Variants in PCDHGA2 observed in about 807,000 individuals in gnomAD.
The protein encoded by PCDHGA2 is protocadherin gamma-A2.
PCDHGA2 carries 40 observed loss-of-function variants against 59.2 expected under a neutral mutation model. That is an observed-to-expected ratio of 0.68 (90% confidence interval 0.52 to 0.88). The LOEUF is 0.88. Among genes scored for constraint, PCDHGA2 ranks in the 40% least tolerant of loss-of-function variants. PCDHGA2 has a pLI of 0.00. For synonymous variants in PCDHGA2, 560 were observed against 526.0 expected (o/e 1.06, Z -0.89); for missense variants, 1,226 against 1,204.0 (o/e 1.02, Z -0.27).
intron 1 of PCDHGA2, chr5:141,350,135 C>A: frequency 1.3e-6 from 1 of 753,636 alleles, no homozygotes; most frequent in Non-Finnish European, 1.9e-6. Context: ...AGCACAGACG[C>A]TGCTCCTGTT....
chr5:141,409,882 G>A, intron 1 of PCDHGA2: 1 of 1,613,006 alleles, frequency 6.2e-7, no homozygotes, highest in Non-Finnish European at 8.5e-7. Context: ...ACAACGCACC[G>A]CGGGTGCTGT....
rs2099417733 is a variant in PCDHGA2, at chr5:141,477,771, G to C, written c.2425-17036G>C. ...ACCCCGGTCCTAGCCACCAACATCAGCGTGAACATATTTGTCACTGATCGC... is the reference window on the plus strand; with the variant it reads ...ACCCCGGTCCTAGCCACCAACATCACCGTGAACATATTTGTCACTGATCGC... On this transcript the variant is annotated intron_variant, in intron 1 of 3. Transcript: ENST00000394576. This position sits in a 1 kb window ranked among gnomAD's most constrained non-coding sequence, Gnocchi z 4.9. 3 of 1,613,992 alleles carry C rather than the reference G, an allele frequency of 1.9e-6. No homozygotes were observed. The highest frequency in any genetic ancestry group is 3.3e-4 in the Middle Eastern group (2 of 6,062).
At chr5:141,370,334 T>C in intron 1 of PCDHGA2, 3 of 1,443,302 alleles carry the variant, frequency 2.1e-6, no homozygotes, top group Non-Finnish European at 2.8e-6. Context: ...CGGAGAACTC[T>C]TGGGATTATT....
chr5:141,455,466 A>G (rs1253494886), intron 1 of PCDHGA2, among the ~76,000 whole-genome samples: 1 of 152,164 alleles, frequency 6.6e-6, no homozygotes, highest in East Asian at 1.9e-4. Flanking sequence ...AGCCAGGTAT[A>G]TATGCAGAGG....
At chr5:141,448,822 G>A (rs924937891) in intron 1 of PCDHGA2, among the ~76,000 whole-genome samples, 4 of 152,048 alleles carry the variant, frequency 2.6e-5, no homozygotes, top group African/African-American at 9.7e-5. Context: ...GCGGGCGCCT[G>A]TAGTCCCAGC....
intron 1 of PCDHGA2, among the ~76,000 whole-genome samples, chr5:141,359,034 G>C (rs79372563): frequency 0.023 from 3,485 of 152,348 alleles, 54 homozygotes; most frequent in South Asian, 0.038. Flanking sequence ...GGAAGTTGTA[G>C]TGATAGACTG....
chr5:141,380,927 T>C (rs1776861991), intron 1 of PCDHGA2, among the ~76,000 whole-genome samples: 2 of 152,248 alleles, frequency 1.3e-5, no homozygotes, highest in African/African-American at 2.4e-5. Context: ...TTAATAATCA[T>C]ACACTTTGCT....
intron 1 of PCDHGA2, chr5:141,478,902 GCTGCTGGATAC>G: frequency 1.0e-6 from 1 of 978,788 alleles, no homozygotes. Context: ...TTAGGAATAA[GCTGCTGGATAC>G]CTCTAACCAG....
chr5:141,436,998 A>G (rs985067199), intron 1 of PCDHGA2, among the ~76,000 whole-genome samples: 23 of 152,242 alleles, frequency 1.5e-4, no homozygotes, highest in South Asian at 2.1e-4. Flanking sequence ...GTTTACTTCA[A>G]TGGGATCTTA....
intron 1 of PCDHGA2, chr5:141,362,063 T>A: frequency 6.2e-7 from 1 of 1,612,390 alleles, no homozygotes. Flanking sequence ...CAGCGCCTGC[T>A]GGTCGCTGTG....
rs778851755 is a variant in PCDHGA2, at chr5:141,477,795, G to A, written c.2425-17012G>A. ...AGCGTGAACATATTTGTCACTGATC[G>A]CAATGACAATGCCCCCCAGGTCCTA... On this transcript the variant is annotated intron_variant, in intron 1 of 3. Coordinates refer to ENST00000394576, the MANE Select transcript of PCDHGA2 (RefSeq NM_018915.4). This position sits in a 1 kb window ranked among gnomAD's most constrained non-coding sequence, Gnocchi z 4.9. The A allele has an allele frequency of 3.1e-6, 5 of 1,613,946 alleles. No individual in the cohort carries two copies. In the African/African-American group the frequency reaches 6.7e-5, roughly 22 times the overall value.
At chr5:141,384,225 G>A (rs757132379) in intron 1 of PCDHGA2, 1 of 1,613,856 alleles carries the variant, frequency 6.2e-7, no homozygotes, top group Non-Finnish European at 8.5e-7. Context: ...TCATGCAGGT[G>A]GCAGACACCA....
At chr5:141,374,796 A>G (rs1422023332) in intron 1 of PCDHGA2, 5 of 1,613,974 alleles carry the variant, frequency 3.1e-6, no homozygotes, top group Non-Finnish European at 3.4e-6. Context: ...GTGAATGACA[A>G]CACTCCAATG....
chr5:141,398,586 A>C, intron 1 of PCDHGA2: 1 of 1,614,054 alleles, frequency 6.2e-7, no homozygotes, highest in Admixed American at 1.7e-5. Flanking sequence ...CAAGATTTAT[A>C]CTAGAAGTAG....
chr5:141,397,287 G>A (rs2093504712), intron 1 of PCDHGA2, among the ~76,000 whole-genome samples: 1 of 152,134 alleles, frequency 6.6e-6, no homozygotes, highest in Admixed American at 6.5e-5. Flanking sequence ...CAGTATACTT[G>A]AATGAATATT....
intron 1 of PCDHGA2, among the ~76,000 whole-genome samples, chr5:141,460,889 G>A (rs901987902): frequency 3.3e-5 from 5 of 150,280 alleles, no homozygotes; most frequent in East Asian, 3.9e-4. Flanking sequence ...ATGCCTTTTC[G>A]TGGCTGAGTA....
chr5:141,443,555 C>T (rs1284929219), intron 1 of PCDHGA2, among the ~76,000 whole-genome samples: 1 of 152,130 alleles, frequency 6.6e-6, no homozygotes, highest in East Asian at 1.9e-4. Flanking sequence ...TGTTCCAATT[C>T]AAATGCTTTA....
At position 141,476,011 on chromosome 5, in the gene PCDHGA2, A is replaced by C. The variant is rs1415142555; in HGVS notation, c.2425-18796A>C. On this transcript the variant is annotated intron_variant, in intron 1 of 3. Coordinates refer to ENST00000394576, the MANE Select transcript of PCDHGA2 (RefSeq NM_018915.4). This position sits in a 1 kb window ranked among gnomAD's most constrained non-coding sequence, Gnocchi z 7.6. The stretch of plus-strand genomic sequence containing the variant: ...GCAAATCAACGGCATCCAGAAAGCC[A>C]TGTCGGACTCGGCGCCCAGCGCCCA... 2.3e-6 allele frequency: 3 copies of C among 1,311,164 alleles called. No homozygotes were observed. Among genetic ancestry groups the C allele is most frequent in the African/African-American group, 1.5e-5 (1 of 68,020 alleles). 81.2% of individuals were successfully genotyped at this position (1,311,164 alleles called of 1,614,324 possible).
chr5:141,433,262 T>C (rs2097580507), intron 1 of PCDHGA2: 1 of 1,339,318 alleles, frequency 7.5e-7, no homozygotes, highest in Non-Finnish European at 1.0e-6. Context: ...GGTACGATCA[T>C]AGCTCACTGC....
Sources: gnomAD v4.1 joint callset for allele counts (sites outside exome capture counted in the v4.1 genomes callset) on GRCh38, gnomAD v4.1.1 for gene constraint, Gnocchi (gnomAD v3.1) non-coding constraint, MANE v1.5 for transcripts, NCBI Gene and HGNC (gene_info 2026-07-23, HGNC 2026-07-21) for gene names.